SEMA3C: variants seen among roughly 807,000 people sequenced by gnomAD.
The protein encoded by SEMA3C is semaphorin 3C, also known as semaphorin-3C.
Under a neutral mutation model 89.4 loss-of-function variants are expected in SEMA3C, and 47 were observed. The ratio of observed to expected loss-of-function variants is 0.53; its 90% CI spans 0.42 to 0.67. The LOEUF is 0.67. Ranked by LOEUF, SEMA3C falls within the 30% of genes least tolerant of loss-of-function variation. The pLI is 0.00. For synonymous variants in SEMA3C, 310 were observed against 320.2 expected (o/e 0.97, Z 0.34); for missense variants, 839 against 929.1 (o/e 0.90, Z 1.26).
rs1196246653 is a variant in SEMA3C at position 80,745,014 on chromosome 7, A to C, written c.2136T>G (p.Thr712=). 1 of 1,613,868 alleles carries C rather than the reference A, an allele frequency of 6.2e-7. No homozygotes were observed. Among genetic ancestry groups the C allele is most frequent in the African/African-American group, 1.3e-5 (1 of 74,868 alleles). Reference sequence around the variant, plus strand: ...CATCTCCCTGCTGATGTTGCTGCCGAGTGTCTTTGCAATATTGGTTAATCA... The same window carrying C: ...CATCTCCCTGCTGATGTTGCTGCCGCGTGTCTTTGCAATATTGGTTAATCA... The part of the protein sequence containing the change: ...MQMINQYCKD[T]RQQHQQGDES... Residue 712 remains threonine, a synonymous_variant, in exon 18 of 18, where the codon ACT becomes ACG. Transcript: ENST00000265361.
intron 4 of SEMA3C, among the ~76,000 whole-genome samples, chr7:80,821,576 C>T (rs967776413): frequency 1.5e-4 from 23 of 152,150 alleles, no homozygotes; most frequent in African/African-American, 5.3e-4. Context: ...TGTGCCACCA[C>T]GCCCGGCTAA....
At chr7:80,847,867 C>T (rs1448460861) in intron 2 of SEMA3C, among the ~76,000 whole-genome samples, 1 of 152,128 alleles carries the variant, frequency 6.6e-6, no homozygotes, top group Non-Finnish European at 1.5e-5. Context: ...CTCATTCAGC[C>T]TCAAATTTAG....
intron 15 of SEMA3C, among the ~76,000 whole-genome samples, chr7:80,753,513 G>C (rs1787984779): frequency 6.6e-6 from 1 of 151,678 alleles, no homozygotes; most frequent in Non-Finnish European, 1.5e-5. Flanking sequence ...ACATTGAAAT[G>C]CAGAAAAAAA....
At chr7:80,840,393 C>T (rs1028854636) in intron 2 of SEMA3C, among the ~76,000 whole-genome samples, 4 of 151,650 alleles carry the variant, frequency 2.6e-5, no homozygotes, top group Non-Finnish European at 5.9e-5. Context: ...GTGGCATGCA[C>T]CTGTAGTCCC....
Position 80,761,648 on chromosome 7 carries a change from G to A in SEMA3C, c.1453C>T (p.Pro485Ser), listed in dbSNP as rs763277547. The A allele has an allele frequency of 2.2e-6, 3 of 1,337,420 alleles. No individual in the cohort carries two copies. Among genetic ancestry groups the A allele is most frequent in the African/African-American group, 3.0e-5 (2 of 66,422 alleles). 82.8% of individuals were successfully genotyped at this position (1,337,420 alleles called of 1,614,324 possible). A position where few individuals can be genotyped will look rare whatever the true frequency, so the allele number is the denominator to read the frequency against. The change falls in exon 14 of 18, where the codon CCT (proline) becomes TCT (serine). Residue 485 changes from proline to serine, a missense_variant. Transcript: ENST00000265361. The part of the protein sequence containing the change: ...EELEVFKNHA[P>S]ITTMKISSKK... ...GATGAAATTTTCATTGTTGTTATAG[G>A]AGCATGATTCTAAAATATTAGAAAA...
chr7:80,872,673 C>T (rs1791091489), intron 2 of SEMA3C, among the ~76,000 whole-genome samples: 2 of 151,264 alleles, frequency 1.3e-5, no homozygotes, highest in Non-Finnish European at 1.5e-5. Flanking sequence ...TGGTGGTGCG[C>T]ACCTGTAGTC....
intron 2 of SEMA3C, among the ~76,000 whole-genome samples, chr7:80,897,052 C>A (rs904194700): frequency 6.6e-6 from 1 of 152,226 alleles, no homozygotes; most frequent in African/African-American, 2.4e-5. Context: ...GTGGGATGGG[C>A]CAGCAACTTG....
At chr7:80,822,416 T>TTA (rs113289167) in intron 4 of SEMA3C, among the ~76,000 whole-genome samples, 8 of 143,972 alleles carry the variant, frequency 5.6e-5, no homozygotes, top group African/African-American at 2.0e-4. Context: ...TAAATAAAAA[T>TTA]AAAAAAAAAA....
intron 2 of SEMA3C, among the ~76,000 whole-genome samples, chr7:80,834,812 A>T (rs937822241): frequency 1.3e-5 from 2 of 152,192 alleles, no homozygotes; most frequent in African/African-American, 4.8e-5. Context: ...TAACCTACCC[A>T]CATCCTCCCT....
chr7:80,874,535 T>C (rs1197855601), intron 2 of SEMA3C, among the ~76,000 whole-genome samples: 1 of 151,854 alleles, frequency 6.6e-6, no homozygotes, highest in African/African-American at 2.4e-5. Flanking sequence ...GGCACGATCT[T>C]GGCTCACTAC....
chr7:80,784,684 A>AAT (rs1250095338), intron 12 of SEMA3C, among the ~76,000 whole-genome samples: 1 of 152,188 alleles, frequency 6.6e-6, no homozygotes, highest in Admixed American at 6.5e-5. Flanking sequence ...GCAACTAATC[A>AAT]ACTCTGCTTC....
intron 2 of SEMA3C, among the ~76,000 whole-genome samples, chr7:80,863,985 ACATGTATATCACATATATATCG>A (rs1203326054): frequency 1.3e-5 from 2 of 148,334 alleles, no homozygotes; most frequent in Admixed American, 6.7e-5. Context: ...CACATATATC[ACATGTATATCACATATATATCG>A]CATGTATATC....
At chr7:80,916,184 A>C (rs1470574524) in intron 2 of SEMA3C, among the ~76,000 whole-genome samples, 1 of 152,228 alleles carries the variant, frequency 6.6e-6, no homozygotes, top group Non-Finnish European at 1.5e-5. Context: ...GGACTATGCC[A>C]ATCTCAGGAA....
At chr7:80,845,885 T>G (rs1171923855) in intron 2 of SEMA3C, among the ~76,000 whole-genome samples, 1 of 152,156 alleles carries the variant, frequency 6.6e-6, no homozygotes, top group Non-Finnish European at 1.5e-5. Flanking sequence ...ATGACCATGC[T>G]TTCACACATT....
intron 4 of SEMA3C, among the ~76,000 whole-genome samples, chr7:80,821,252 ACT>A (rs1437481717): frequency 2.6e-5 from 4 of 152,200 alleles, no homozygotes; most frequent in Admixed American, 6.5e-5. Context: ...TTTTACCATA[ACT>A]CAGTCCCTTT....
intron 2 of SEMA3C, among the ~76,000 whole-genome samples, chr7:80,835,966 T>C (rs1424229486): frequency 6.6e-6 from 1 of 152,212 alleles, no homozygotes; most frequent in Non-Finnish European, 1.5e-5. Flanking sequence ...CTCAATCAGA[T>C]GACCTCTTGC....
At chr7:80,861,164 CT>C (rs936383502) in intron 2 of SEMA3C, among the ~76,000 whole-genome samples, 1 of 152,072 alleles carries the variant, frequency 6.6e-6, no homozygotes, top group African/African-American at 2.4e-5. Flanking sequence ...GTTTTCTCCC[CT>C]GTTCAGAAAA....
chr7:80,880,955 G>A (rs1036306363), intron 2 of SEMA3C, among the ~76,000 whole-genome samples: 1 of 151,732 alleles, frequency 6.6e-6, no homozygotes, highest in African/African-American at 2.4e-5. Flanking sequence ...GAAGTAAATC[G>A]GATCGCAGAA....
chr7:80,864,880 T>C (rs995728464), intron 2 of SEMA3C, among the ~76,000 whole-genome samples: 1 of 152,158 alleles, frequency 6.6e-6, no homozygotes, highest in Non-Finnish European at 1.5e-5. Context: ...TTGTCTGCCT[T>C]CTCCTGCAGA....
Sources: gnomAD v4.1 joint callset for allele counts (sites outside exome capture counted in the v4.1 genomes callset) on GRCh38, gnomAD v4.1.1 for gene constraint, MANE v1.5 for transcripts, NCBI Gene and HGNC (gene_info 2026-07-23, HGNC 2026-07-21) for gene names.